The following NEBL variants were observed in gnomAD, a reference collection of about 807,000 sequenced individuals.
The protein encoded by NEBL is LIM and SH3 protein 2.
A neutral mutation model predicts 140.2 loss-of-function variants in NEBL; 122 were observed. That is an observed-to-expected ratio of 0.87 (90% CI 0.75 to 1.01). The LOEUF (loss-of-function observed/expected upper bound fraction) is 1.01. NEBL is among the 50% of genes least tolerant of loss of function. The pLI, the probability that NEBL is intolerant of heterozygous loss-of-function variation, is 0.00. For synonymous variants in NEBL, 436 were observed against 398.9 expected (o/e 1.09, Z -1.11); for missense variants, 1,365 against 1,231.3 (o/e 1.11, Z -1.62).
At chr10:20,978,787 C>T (rs1836910526) in intron 3 of NEBL, among the ~76,000 whole-genome samples, 1 of 151,298 alleles carries the variant, frequency 6.6e-6, no homozygotes, top group African/African-American at 2.4e-5. Flanking sequence ...AGGTGTGGAG[C>T]ATCCAGTAAT....
At chr10:20,838,867 T>A (rs1451655858) in intron 13 of NEBL, among the ~76,000 whole-genome samples, 1 of 152,162 alleles carries the variant, frequency 6.6e-6, no homozygotes, top group South Asian at 2.1e-4. Flanking sequence ...TACTTTAAAT[T>A]AAGATATGGA....
chr10:21,244,278 G>A (rs1349071413), intron 3 of NEBL, among the ~76,000 whole-genome samples: 1 of 151,466 alleles, frequency 6.6e-6, no homozygotes, highest in East Asian at 2.0e-4. Flanking sequence ...TGATTCTCCT[G>A]CCTCAGCCAC....
At chr10:21,152,164 A>T (rs2132129585) in intron 2 of NEBL, among the ~76,000 whole-genome samples, 1 of 152,326 alleles carries the variant, frequency 6.6e-6, no homozygotes, top group Non-Finnish European at 1.5e-5. Flanking sequence ...ATGCAGGCGG[A>T]GTCAAGTCTG....
chr10:21,106,213 T>C (rs1837711021), intron 2 of NEBL, among the ~76,000 whole-genome samples: 1 of 152,244 alleles, frequency 6.6e-6, no homozygotes, highest in East Asian at 1.9e-4. Context: ...TTGTCTATTT[T>C]GGCTTTTGTT....
chr10:21,216,757 C>A (rs1841997298), intron 3 of NEBL, among the ~76,000 whole-genome samples: 2 of 139,634 alleles, frequency 1.4e-5, no homozygotes, highest in South Asian at 2.2e-4. Flanking sequence ...GGCAACAAAG[C>A]AAGACTCCAT....
chr10:20,848,424 C>T (rs554020532), intron 11 of NEBL, among the ~76,000 whole-genome samples: 1 of 152,240 alleles, frequency 6.6e-6, no homozygotes, highest in South Asian at 2.1e-4. Context: ...TTATCAGATT[C>T]CTCTTCATTG....
chr10:21,115,728 G>A, intron 2 of NEBL, among the ~76,000 whole-genome samples: 1 of 151,792 alleles, frequency 6.6e-6, no homozygotes, highest in Non-Finnish European at 1.5e-5. Context: ...GAAATTTTGG[G>A]TCTGTGGGAT....
At chr10:21,031,154 G>A (rs1337138040) in intron 2 of NEBL, among the ~76,000 whole-genome samples, 2 of 152,246 alleles carry the variant, frequency 1.3e-5, no homozygotes, top group Non-Finnish European at 2.9e-5. Flanking sequence ...AAGCCCAGAA[G>A]TAGTGAGAAA....
Position 20,792,826 on chromosome 10 carries a change from C to T in NEBL, c.2762-5518G>A, listed in dbSNP as rs557148551. Among the ~76,000 whole-genome samples the T allele has an allele frequency of 3.3e-5, 5 of 151,910 alleles. No individual in the cohort carries two copies. The East Asian group carries it at 9.7e-4, about 29-fold the overall frequency. On this transcript the variant is annotated intron_variant, in intron 26 of 27. Transcript: ENST00000377122. ...CTCAAAAAAAAAAAAAACAAAACTC[C>T]TGTCTAGTCCATGAGCAAGGTGGCT...
intron 2 of NEBL, among the ~76,000 whole-genome samples, chr10:21,057,776 G>C (rs1310175508): frequency 1.3e-5 from 2 of 151,888 alleles, no homozygotes; most frequent in African/African-American, 4.8e-5. Flanking sequence ...GCCCAGGCTG[G>C]TCTCAAACTC....
intron 5 of NEBL, among the ~76,000 whole-genome samples, chr10:20,875,395 G>A (rs540574292): frequency 1.3e-5 from 2 of 152,302 alleles, no homozygotes; most frequent in Non-Finnish European, 2.9e-5. Flanking sequence ...ACATCCTCCA[G>A]AGTACCTTTC....
At chr10:21,198,906 C>G (rs996043469) in intron 3 of NEBL, among the ~76,000 whole-genome samples, 1 of 152,092 alleles carries the variant, frequency 6.6e-6, no homozygotes, top group African/African-American at 2.4e-5. Flanking sequence ...TTGTTTCTGT[C>G]CATCAAACTG....
intron 7 of NEBL, among the ~76,000 whole-genome samples, chr10:20,866,708 C>T (rs575821620): frequency 1.3e-5 from 2 of 152,246 alleles, no homozygotes; most frequent in South Asian, 2.1e-4. Flanking sequence ...TCTAAGGACG[C>T]GTCTTTCTTC....
intron 3 of NEBL, among the ~76,000 whole-genome samples, chr10:21,183,526 C>T (rs985546344): frequency 6.6e-6 from 1 of 152,154 alleles, no homozygotes. Context: ...GAACAAAAAC[C>T]AAGAGTCTGG....
chr10:21,156,481 T>G (rs895070345), intron 2 of NEBL, among the ~76,000 whole-genome samples: 7 of 152,278 alleles, frequency 4.6e-5, no homozygotes, highest in Admixed American at 4.6e-4. Flanking sequence ...ATGGATAAGA[T>G]TTCTATCAGG....
rs147869691 is a variant in NEBL, at chr10:20,960,926, T to C, written c.357+746A>G. 1.8e-3 allele frequency among the ~76,000 whole-genome samples: 277 copies of C among 152,306 alleles called. 2 individuals carry two copies. Among genetic ancestry groups the C allele is most frequent in the African/African-American group, 6.3e-3 (264 of 41,578 alleles). On this transcript the variant is annotated intron_variant, in intron 4 of 6. Coordinates refer to the NEBL transcript ENST00000417816. ...AGTGTTGCCTGTTTGCTCATACTTT[T>C]ATGTCACTCACACATCTGTTAATTT... is the stretch of plus-strand genomic sequence containing the variant.
At chr10:21,068,575 A>G (rs1170907572) in intron 2 of NEBL, among the ~76,000 whole-genome samples, 2 of 152,236 alleles carry the variant, frequency 1.3e-5, no homozygotes, top group Non-Finnish European at 2.9e-5. Flanking sequence ...TACCTAGAGA[A>G]GAGCTAAGAG....
At chr10:20,900,793 C>T (rs183947583), upstream of NEBL, among the ~76,000 whole-genome samples, 517 of 147,318 alleles carry the variant, frequency 3.5e-3, 9 homozygotes, top group African/African-American at 0.011. Flanking sequence ...TGCAGTGAGC[C>T]AAGATCCTGC....
At chr10:20,909,934 T>C (rs1222712098) in intron 4 of NEBL, among the ~76,000 whole-genome samples, 1 of 152,156 alleles carries the variant, frequency 6.6e-6, no homozygotes, top group Non-Finnish European at 1.5e-5. Flanking sequence ...TTGCCTAGTA[T>C]CAAAGCTTAA....
Sources: allele counts gnomAD v4.1 joint callset (sites outside exome capture counted in the v4.1 genomes callset), GRCh38; gene constraint gnomAD v4.1.1; transcripts MANE v1.5; gene names NCBI Gene and HGNC (gene_info 2026-07-23, HGNC 2026-07-21).